Variants in THADA observed in about 807,000 individuals in gnomAD.
The protein encoded by THADA is THADA armadillo repeat containing, also known as tRNA (32-2'-O)-methyltransferase regulator THADA.
Under a neutral mutation model 219.8 loss-of-function variants are expected in THADA, and 213 were observed. The observed-to-expected ratio is 0.97, with a 90% CI of 0.87 to 1.09. The LOEUF is 1.09. THADA is among the 50% of genes least tolerant of loss of function. The probability of loss-of-function intolerance (pLI) is 0.00; values close to 1 mark genes in which losing one functional copy is unlikely to be tolerated. For missense variants in THADA, 2,956 were observed against 2,311.3 expected (o/e 1.28, Z -5.72); for synonymous variants, 1,018 against 828.9 (o/e 1.23, Z -3.92).
chr2:43,236,931 G>C (rs1432250704), intron 36 of THADA, among the ~76,000 whole-genome samples: 2 of 151,176 alleles, frequency 1.3e-5, no homozygotes, highest in Admixed American at 1.3e-4. Flanking sequence ...AATTAGCCAG[G>C]CATGGTGGTG....
intron 29 of THADA, among the ~76,000 whole-genome samples, chr2:43,361,166 T>G (rs139108203): frequency 7.1e-4 from 108 of 152,324 alleles, no homozygotes; most frequent in African/African-American, 2.6e-3. Flanking sequence ...ATGTCAATTG[T>G]GCTGAGGGTG....
rs751216022 is a variant in THADA at position 43,292,171 on chromosome 2, C to T, written c.4870G>A (p.Glu1624Lys). 6.2e-6 allele frequency: 10 copies of T among 1,612,224 alleles called. No homozygotes were observed. The East Asian group carries it at 2.2e-4, about 36-fold the overall frequency. The stretch of plus-strand genomic sequence containing the variant: ...TTTGGGGTCAGATGGACACAGTGCT[C>T]CGTCTGGGGAAGCCACTCACCAGGG... ...MDPGEWLPQT[E>K]HCVHLTPKEF... is the part of the protein sequence containing the mutation. The change falls in exon 33 of 38, where the codon GAG becomes AAG. Residue 1624 changes from glutamate (E) to lysine (K), a missense_variant. Coordinates refer to ENST00000405975, the MANE Select transcript of THADA (RefSeq NM_022065.5).
At chr2:43,240,796 T>C (rs907842610) in intron 36 of THADA, among the ~76,000 whole-genome samples, 2 of 152,200 alleles carry the variant, frequency 1.3e-5, no homozygotes, top group African/African-American at 2.4e-5. Context: ...TCGGGGAACA[T>C]AGGTGTTTGT....
intron 30 of THADA, among the ~76,000 whole-genome samples, chr2:43,322,814 T>A (rs2104469653): frequency 6.7e-6 from 1 of 148,502 alleles, no homozygotes; most frequent in South Asian, 2.2e-4. Flanking sequence ...GCCTCCGGAG[T>A]AGCTGGGACT....
intron 31 of THADA, among the ~76,000 whole-genome samples, chr2:43,318,134 G>C (rs563917486): frequency 6.6e-6 from 1 of 152,086 alleles, no homozygotes; most frequent in African/African-American, 2.4e-5. Context: ...CGAACTCCTG[G>C]GTTGAAGTAA....
intron 25 of THADA, among the ~76,000 whole-genome samples, chr2:43,485,694 T>C (rs1686831767): frequency 1.3e-5 from 2 of 152,114 alleles, no homozygotes; most frequent in South Asian, 4.1e-4. Flanking sequence ...TTTCCATTTA[T>C]TTTCTGAAAT....
At chr2:43,591,358 G>A (rs1701547392) in intron 3 of THADA, among the ~76,000 whole-genome samples, 1 of 152,024 alleles carries the variant, frequency 6.6e-6, no homozygotes, top group Non-Finnish European at 1.5e-5. Context: ...TCAATTACGT[G>A]AAATGTTTTC....
chr2:43,441,319 C>A (rs1487112049), intron 26 of THADA, among the ~76,000 whole-genome samples: 1 of 152,184 alleles, frequency 6.6e-6, no homozygotes, highest in Non-Finnish European at 1.5e-5. Context: ...TAATTTACTA[C>A]AAACACAAAA....
chr2:43,394,043 T>C (rs1473604305), intron 29 of THADA, among the ~76,000 whole-genome samples: 1 of 152,140 alleles, frequency 6.6e-6, no homozygotes, highest in African/African-American at 2.4e-5. Flanking sequence ...AAACAGAAGG[T>C]TAAATCTACT....
intron 26 of THADA, among the ~76,000 whole-genome samples, chr2:43,448,256 T>C (rs890470969): frequency 3.3e-5 from 5 of 152,230 alleles, no homozygotes; most frequent in Non-Finnish European, 7.3e-5. Flanking sequence ...GGACAGTAAA[T>C]TGCAGTCAAT....
At chr2:43,512,163 T>C (rs1425207391) in intron 22 of THADA, among the ~76,000 whole-genome samples, 1 of 152,190 alleles carries the variant, frequency 6.6e-6, no homozygotes, top group Admixed American at 6.5e-5. Context: ...CACTGCACCA[T>C]GGACCCAGGA....
intron 31 of THADA, among the ~76,000 whole-genome samples, chr2:43,308,905 T>G (rs781733526): frequency 2.6e-5 from 4 of 152,078 alleles, no homozygotes; most frequent in African/African-American, 4.8e-5. Context: ...CTTTGTGACC[T>G]TGGAATAGGC....
At chr2:43,450,100 T>C (rs1036814688) in intron 26 of THADA, among the ~76,000 whole-genome samples, 11 of 152,076 alleles carry the variant, frequency 7.2e-5, no homozygotes, top group African/African-American at 2.4e-4. Context: ...AAGATCTCAG[T>C]AAAGGGAAAT....
At chr2:43,320,268 G>C (rs1029936961) in intron 31 of THADA, among the ~76,000 whole-genome samples, 178 bp downstream of exon 31, 1 of 152,158 alleles carries the variant, frequency 6.6e-6, no homozygotes, top group South Asian at 2.1e-4. Context: ...AAATAAACAA[G>C]AACAAGTTTC....
Position 43,232,713 on chromosome 2 carries a change from C to G in THADA, c.5466G>C (p.Gln1822His), listed in dbSNP as rs769638629. The change falls in exon 37 of 38, where the codon CAG becomes CAC. Residue 1822 changes from glutamine to histidine, a missense_variant and splice_region_variant. Coordinates refer to ENST00000405975, the MANE Select transcript of THADA (RefSeq NM_022065.5). ...TACTCCCCTGACACCCCGGGATCAC[C>G]TGATGCATGCTCTCCACACAGGCCA... Reference protein sequence around the residue: ...DLVACVESMHQVEEDYLFEKA... With the variant: ...DLVACVESMHHVEEDYLFEKA... 6 of 1,613,730 alleles carry G rather than the reference C, an allele frequency of 3.7e-6. No individual in the cohort carries two copies. The East Asian group carries it at 6.7e-5, about 18-fold the overall frequency.
rs532857816 is a variant in THADA, at chr2:43,385,606, C to CAA, written c.4227+12363_4227+12364dup. On this transcript the variant is annotated intron_variant, in intron 29 of 37. Transcript: ENST00000405975. ...TGGGCAACAGAGCGAGACTCCGTCTCAAAAAAAAAAAAAAAAAAAAAAAAG... is the reference window on the plus strand; with the variant it reads ...TGGGCAACAGAGCGAGACTCCGTCTCAAAAAAAAAAAAAAAAAAAAAAAAAAG... Among the ~76,000 whole-genome samples, 454 of 48,910 alleles carry CAA rather than the reference C, an allele frequency of 9.3e-3. 1 individual carries two copies. Among genetic ancestry groups the CAA allele is most frequent in the Middle Eastern group, 0.011 (1 of 94 alleles). 32.1% of individuals were successfully genotyped at this position (48,910 alleles called of 152,430 possible).
intron 26 of THADA, among the ~76,000 whole-genome samples, chr2:43,445,452 A>C (rs867934547): frequency 1.8e-4 from 27 of 152,330 alleles, no homozygotes; most frequent in Middle Eastern, 6.8e-3. Flanking sequence ...AGTGATCAGA[A>C]AAGAGATGTC....
intron 26 of THADA, among the ~76,000 whole-genome samples, chr2:43,469,741 A>T (rs1277035260): frequency 6.6e-6 from 1 of 152,198 alleles, no homozygotes; most frequent in Non-Finnish European, 1.5e-5. Context: ...TTATGTGGAA[A>T]ATCAGATGGA....
chr2:43,566,063 G>C (rs990181383), intron 15 of THADA: 5 of 162,278 alleles, frequency 3.1e-5, no homozygotes, highest in Non-Finnish European at 6.6e-5. Flanking sequence ...ACTCCAGCCT[G>C]GGCAACAGAG....
Sources: allele counts gnomAD v4.1 joint callset (sites outside exome capture counted in the v4.1 genomes callset), GRCh38; gene constraint gnomAD v4.1.1; transcripts MANE v1.5; gene names NCBI Gene and HGNC (gene_info 2026-07-23, HGNC 2026-07-21).